Variants in ZBTB16 observed in about 807,000 individuals in gnomAD.
The protein encoded by ZBTB16 is zinc finger and BTB domain-containing protein 16.
ZBTB16 carries 8 observed loss-of-function variants against 56.8 expected under a neutral mutation model. That is an observed-to-expected ratio of 0.14 (90% CI 0.08 to 0.25). ZBTB16 has a LOEUF of 0.25. Ranked by LOEUF, ZBTB16 falls within the 10% of genes least tolerant of loss-of-function variation. The pLI, the probability that ZBTB16 is intolerant of heterozygous loss-of-function variation, is 1.00. For synonymous variants in ZBTB16, 363 were observed against 368.5 expected (o/e 0.98, Z 0.17); for missense variants, 625 against 903.0 (o/e 0.69, Z 3.95).
At chr11:114,096,005 GAAGAT>G (rs1041810756) in intron 2 of ZBTB16, among the ~76,000 whole-genome samples, 2 of 152,158 alleles carry the variant, frequency 1.3e-5, no homozygotes, top group Admixed American at 1.3e-4. Context: ...TGGATTTAGA[GAAGAT>G]AAGAATCAAA....
chr11:114,180,879 G>A (rs1372256141), intron 3 of ZBTB16: 1 of 152,300 alleles, frequency 6.6e-6, no homozygotes, highest in Non-Finnish European at 1.5e-5. Context: ...ATGGAAGAGA[G>A]CTCCAAATAC....
rs139395524 is a variant in ZBTB16 at position 114,226,063 on chromosome 11, A to G, written c.1454-16104A>G. ...TCAACACCGAGGCTCTTTGCTTTGT[A>G]CTTCTCAGACTGTAAGCTTCTTGGG... is the stretch of plus-strand genomic sequence containing the variant. On this transcript the variant is annotated intron_variant, in intron 4 of 6. Transcript: ENST00000335953. 8.3e-3 allele frequency among the ~76,000 whole-genome samples: 1,262 copies of G among 152,288 alleles called. 16 individuals carry two copies. Among genetic ancestry groups the G allele is most frequent in the Non-Finnish European group, 0.011 (732 of 68,016 alleles).
chr11:114,078,579 C>A (rs1321002666), intron 2 of ZBTB16, among the ~76,000 whole-genome samples: 2 of 151,988 alleles, frequency 1.3e-5, no homozygotes, highest in African/African-American at 4.8e-5. Context: ...GTTTGCGGAT[C>A]GCAGAGGGTG....
chr11:114,230,634 G>GGC (rs202102278), intron 4 of ZBTB16, among the ~76,000 whole-genome samples: 7 of 132,908 alleles, frequency 5.3e-5, no homozygotes, highest in Admixed American at 3.2e-4. Flanking sequence ...TCTTCTGTGG[G>GGC]GGGGGGGCGG....
At chr11:114,158,803 G>A (rs535614977) in intron 3 of ZBTB16, among the ~76,000 whole-genome samples, 51 of 152,318 alleles carry the variant, frequency 3.3e-4, no homozygotes, top group Non-Finnish European at 6.0e-4. Context: ...TCCTGTCCAC[G>A]TTATGTCCAG....
intron 3 of ZBTB16, among the ~76,000 whole-genome samples, chr11:114,164,464 T>C (rs1006814342): frequency 6.6e-6 from 1 of 152,192 alleles, no homozygotes; most frequent in Non-Finnish European, 1.5e-5. Flanking sequence ...TCCTCTCCTT[T>C]GCTCCTGCCA....
intron 4 of ZBTB16, among the ~76,000 whole-genome samples, chr11:114,195,534 G>T (rs900813192): frequency 1.3e-5 from 2 of 152,150 alleles, no homozygotes; most frequent in African/African-American, 4.8e-5. Flanking sequence ...GAAAGTTTGA[G>T]CCCTAACAGA....
In ZBTB16 at chr11:114,150,057, T is replaced by A. The variant is rs531804507; in HGVS notation, c.1269-6280T>A. On this transcript the variant is annotated intron_variant, in intron 2 of 6. Coordinates refer to ENST00000335953, the MANE Select transcript of ZBTB16 (RefSeq NM_006006.6). The stretch of plus-strand genomic sequence containing the variant: ...AGAGTGTATAGTCTTAAGGAACTTA[T>A]AAATGGCTTAGTCTTGAATCTTGAA... Among the ~76,000 whole-genome samples, 37 of 152,344 alleles carry A rather than the reference T, an allele frequency of 2.4e-4. No individual in the cohort carries two copies. In the South Asian group the frequency reaches 6.6e-3, roughly 27 times the overall value.
At chr11:114,077,250 C>T (rs904430415) in intron 2 of ZBTB16, among the ~76,000 whole-genome samples, 1 of 152,138 alleles carries the variant, frequency 6.6e-6, no homozygotes, top group Non-Finnish European at 1.5e-5. Context: ...TGTGAGAAGC[C>T]GCTTGCTATG....
At chr11:114,125,784 T>C (rs1445199395) in intron 2 of ZBTB16, among the ~76,000 whole-genome samples, 4 of 152,216 alleles carry the variant, frequency 2.6e-5, no homozygotes, top group East Asian at 3.9e-4. Flanking sequence ...TTAGACCTTT[T>C]TCGTTTCAGA....
At chr11:114,187,262 C>A in intron 4 of ZBTB16, 1 of 636,128 alleles carries the variant, frequency 1.6e-6, no homozygotes, top group Non-Finnish European at 2.9e-6. Flanking sequence ...AATGGCTGTC[C>A]TAGATTAGGC....
intron 2 of ZBTB16, among the ~76,000 whole-genome samples, chr11:114,133,418 C>T (rs1941717049): frequency 6.6e-6 from 1 of 152,212 alleles, no homozygotes; most frequent in South Asian, 2.1e-4. Context: ...TGCATGCCCA[C>T]TAGCCGCTGA....
intron 2 of ZBTB16, among the ~76,000 whole-genome samples, chr11:114,093,343 G>GA (rs1412156425): frequency 6.6e-6 from 1 of 151,754 alleles, no homozygotes; most frequent in Non-Finnish European, 1.5e-5. Flanking sequence ...GGTGTGGAGG[G>GA]GGGATGTTGC....
Position 114,099,726 on chromosome 11 carries a change from T to C in ZBTB16, c.1268+35158T>C, listed in dbSNP as rs1041822449. On this transcript the variant is annotated intron_variant, in intron 2 of 6. Coordinates refer to ENST00000335953, the MANE Select transcript of ZBTB16 (RefSeq NM_006006.6). ...AGAAGGGAGACAGGCTAGGTCTTCT[T>C]CACGTGGCCTTCCATTTTGGAAAAC... Among the ~76,000 whole-genome samples the C allele has an allele frequency of 2.6e-5, 4 of 152,180 alleles. No individual in the cohort carries two copies. In the South Asian group the frequency reaches 8.3e-4, roughly 31 times the overall value.
At chr11:114,139,731 C>G (rs565953143) in intron 2 of ZBTB16, among the ~76,000 whole-genome samples, 3 of 151,644 alleles carry the variant, frequency 2.0e-5, no homozygotes, top group Non-Finnish European at 2.9e-5. Context: ...CATCCAACTA[C>G]GGAGCAAGAC....
At chr11:114,235,638 C>T (rs1481530737) in intron 4 of ZBTB16, among the ~76,000 whole-genome samples, 1 of 20,984 alleles carries the variant, frequency 4.8e-5, no homozygotes, top group East Asian at 2.4e-3. Flanking sequence ...TCCTTTCTTT[C>T]TTTCTTTCTT....
chr11:114,116,423 G>T (rs555292680), intron 2 of ZBTB16, among the ~76,000 whole-genome samples: 2 of 152,156 alleles, frequency 1.3e-5, no homozygotes, highest in Non-Finnish European at 2.9e-5. Context: ...TCATGCTTAG[G>T]TTGGAATCTG....
chr11:114,159,937 C>CGGTG (rs1555145906), intron 3 of ZBTB16, among the ~76,000 whole-genome samples: 2 of 93,848 alleles, frequency 2.1e-5, no homozygotes, highest in East Asian at 2.9e-4. Context: ...GCGGGGGAGG[C>CGGTG]GGGGGGGAGG....
intron 2 of ZBTB16, among the ~76,000 whole-genome samples, chr11:114,079,308 T>C (rs938436553): frequency 2.0e-5 from 3 of 152,060 alleles, no homozygotes; most frequent in Non-Finnish European, 4.4e-5. Context: ...TGGGTAGACA[T>C]GTATGATTGC....
Sources: gnomAD v4.1 joint callset for allele counts (sites outside exome capture counted in the v4.1 genomes callset) on GRCh38, gnomAD v4.1.1 for gene constraint, MANE v1.5 for transcripts, NCBI Gene and HGNC (gene_info 2026-07-23, HGNC 2026-07-21) for gene names.